PI4K2B: variants seen among roughly 807,000 people sequenced by gnomAD.
The protein encoded by PI4K2B is phosphatidylinositol 4-kinase type 2-beta.
PI4K2B carries 46 observed loss-of-function variants against 56.6 expected under a neutral mutation model. The observed-to-expected ratio is 0.81, with a 90% CI of 0.64 to 1.04. The LOEUF is 1.04. PI4K2B is among the 50% of genes least tolerant of loss of function. PI4K2B has a pLI of 0.00. For synonymous variants in PI4K2B, 211 were observed against 223.8 expected (o/e 0.94, Z 0.51); for missense variants, 556 against 607.7 (o/e 0.91, Z 0.89).
At chr4:25,257,250 T>C (rs1288431739) in intron 4 of PI4K2B, among the ~76,000 whole-genome samples, 1 of 151,918 alleles carries the variant, frequency 6.6e-6, no homozygotes, top group Non-Finnish European at 1.5e-5. Context: ...TTTGTAGAGA[T>C]AGAGTCTCAC....
chr4:25,260,193 T>C (rs1716406773), intron 5 of PI4K2B, among the ~76,000 whole-genome samples: 1 of 152,176 alleles, frequency 6.6e-6, no homozygotes, highest in South Asian at 2.1e-4. Flanking sequence ...TAATGCTTTT[T>C]CTTCCTAAAG....
chr4:25,245,959 T>G (rs756038730), intron 1 of PI4K2B, among the ~76,000 whole-genome samples: 5 of 152,160 alleles, frequency 3.3e-5, no homozygotes, highest in Non-Finnish European at 7.3e-5. Flanking sequence ...ACTTCAAGAA[T>G]GAAGCCACGG....
At chr4:25,247,843 A>G (rs1161643809) in intron 1 of PI4K2B, among the ~76,000 whole-genome samples, 3 of 152,158 alleles carry the variant, frequency 2.0e-5, no homozygotes, top group Non-Finnish European at 4.4e-5. Flanking sequence ...AGCTGGGACT[A>G]CAGGTACATG....
At position 25,263,869 on chromosome 4, in the gene PI4K2B, T is replaced by C. The variant is rs774210903; in HGVS notation, c.1078+20T>C. On this transcript the variant is annotated intron_variant, in intron 7 of 9. Transcript: ENST00000264864. ...GAGCATGTGAGTATTTAGAACCTTC[T>C]GTAGAGTCTATAATTACCTTTTTTC... 5.7e-6 allele frequency: 6 copies of C among 1,059,252 alleles called. No homozygotes were observed. Among genetic ancestry groups the C allele is most frequent in the South Asian group, 1.3e-5 (1 of 74,574 alleles). 65.6% of individuals were successfully genotyped at this position (1,059,252 alleles called of 1,614,324 possible).
Position 25,246,163 on chromosome 4 carries a change from C to G in PI4K2B, c.269-6158C>G, listed in dbSNP as rs576252195. Among the ~76,000 whole-genome samples, 4 of 152,104 alleles carry G rather than the reference C, an allele frequency of 2.6e-5. No individual in the cohort carries two copies. The East Asian group carries it at 7.7e-4, about 29-fold the overall frequency. Reference sequence around the variant, plus strand: ...TGTGGACCCAAAGAGTGAGCAGCAGCAAGATTTATTGCAAAGAGCGAAAGA... The same window carrying G: ...TGTGGACCCAAAGAGTGAGCAGCAGGAAGATTTATTGCAAAGAGCGAAAGA... On this transcript the variant is annotated intron_variant, in intron 1 of 9. Transcript: ENST00000264864.
intron 1 of PI4K2B, 140 bp downstream of exon 1, chr4:25,234,571 C>T: frequency 1.8e-6 from 1 of 546,986 alleles, no homozygotes; most frequent in Non-Finnish European, 2.7e-6. Flanking sequence ...CGAGCTCGGA[C>T]CGGCGCCAGC....
intron 1 of PI4K2B, among the ~76,000 whole-genome samples, chr4:25,250,004 G>A (rs1182088741): frequency 3.3e-5 from 5 of 152,188 alleles, no homozygotes; most frequent in Admixed American, 3.3e-4. Flanking sequence ...GATCACTCAC[G>A]GTCAGGAACT....
In PI4K2B at chr4:25,277,390, C is replaced by G; in HGVS notation, c.*203C>G. ...ATTTCAGGGAAGAAGTGCTATATCT[C>G]CTATATTGTATTTTTGTAGAAAATT... On this transcript the variant is annotated 3_prime_UTR_variant, in exon 10 of 10. Transcript: ENST00000264864. 2.3e-6 allele frequency: 1 copy of G among 437,742 alleles called. No homozygotes were observed. Among genetic ancestry groups the G allele is most frequent in the Non-Finnish European group, 3.8e-6 (1 of 260,140 alleles). 27.1% of individuals were successfully genotyped at this position (437,742 alleles called of 1,614,324 possible). A position where few individuals can be genotyped will look rare whatever the true frequency, so the allele number is the denominator to read the frequency against.
chr4:25,250,909 G>T (rs1716024686), intron 1 of PI4K2B, among the ~76,000 whole-genome samples: 3 of 152,292 alleles, frequency 2.0e-5, no homozygotes, highest in East Asian at 3.9e-4. Flanking sequence ...GGGTAAGCGT[G>T]TGAGATCATG....
chr4:25,270,335 TTTTTTTTC>T (rs544428033), intron 9 of PI4K2B, among the ~76,000 whole-genome samples: 149 of 151,796 alleles, frequency 9.8e-4, no homozygotes, highest in African/African-American at 3.5e-3. Context: ...GTTTTTTTGG[TTTTTTTTC>T]TTTTTTTCTT....
chr4:25,262,730 C>T (rs28640012), intron 6 of PI4K2B, among the ~76,000 whole-genome samples: 4,896 of 151,932 alleles, frequency 0.032, 111 homozygotes, highest in African/African-American at 0.069. Flanking sequence ...TGTGAACCAC[C>T]GTGGTAAAAT....
intron 1 of PI4K2B, among the ~76,000 whole-genome samples, chr4:25,239,436 A>G (rs1034105212): frequency 1.7e-5 from 1 of 59,482 alleles, no homozygotes; most frequent in African/African-American, 3.2e-5. Context: ...GTGCCGGCCC[A>G]GGGGGACCCA....
In PI4K2B at chr4:25,260,610, T is replaced by TTATATATA. The variant is rs533544057; in HGVS notation, c.978+44_978+51dup. 110 of 306,854 alleles carry TTATATATA rather than the reference T, an allele frequency of 3.6e-4. No individual in the cohort carries two copies. The highest frequency in any genetic ancestry group is 1.3e-3 in the African/African-American group (54 of 40,250). 19.0% of individuals were successfully genotyped at this position (306,854 alleles called of 1,614,324 possible). On this transcript the variant is annotated intron_variant, in intron 6 of 9. Transcript: ENST00000264864. ...CCATAAGGTAAGGAAATTTACAATTTTATATATATATATATATATATATAT... is the reference window on the plus strand; with the variant it reads ...CCATAAGGTAAGGAAATTTACAATTTTATATATATATATATATATATATATATATATAT...
chr4:25,252,169 T>C (rs746180164), intron 1 of PI4K2B, 152 bp from the exon 2 acceptor site: 8 of 271,970 alleles, frequency 2.9e-5, no homozygotes, highest in South Asian at 7.9e-5. Flanking sequence ...GAAGTGGGGG[T>C]TGTTAGGCAG....
In PI4K2B at chr4:25,256,594, A is replaced by G. The variant is rs548863079; in HGVS notation, c.676A>G (p.Lys226Glu). ...TAACTATAATGCGATTGACCGTGCA[A>G]AATCAAGAGGCAAAAAGTATGCTTT... Reference protein sequence around the residue: ...TFNYNAIDRAKSRGKKYALEK... With the variant: ...TFNYNAIDRAESRGKKYALEK... The change falls in exon 4 of 10, where the codon AAA becomes GAA. Residue 226 changes from lysine (K) to glutamate (E), a missense_variant. Physicochemically the swap from Lys to Glu is moderately conservative, Grantham distance 56 (BLOSUM62 1). Transcript: ENST00000264864. 4.3e-6 allele frequency: 7 copies of G among 1,613,956 alleles called. No homozygotes were observed. In the African/African-American group the frequency reaches 5.3e-5, roughly 12 times the overall value.
rs1025331501 is a variant in PI4K2B at position 25,234,346 on chromosome 4, C to G, written c.183C>G (p.Asp61Glu). ...CCGGGGAGGAGGGCGAGGCCGGCGACGAGGAGCTGCCCCTCCCGCCCGGGG... is the reference window on the plus strand; with the variant it reads ...CCGGGGAGGAGGGCGAGGCCGGCGAGGAGGAGCTGCCCCTCCCGCCCGGGG... ...DAAGEEGEAG[D>E]EELPLPPGDV... The change falls in exon 1 of 10, where the codon GAC (aspartate) becomes GAG (glutamate). Residue 61 changes from aspartate to glutamate, a missense_variant. Coordinates refer to ENST00000264864, the MANE Select transcript of PI4K2B (RefSeq NM_018323.4). 1.4e-6 allele frequency: 2 copies of G among 1,409,188 alleles called. No individual in the cohort carries two copies. The highest frequency in any genetic ancestry group is 2.7e-5 in the Admixed American group (1 of 37,332). The allele number at this position is 1,409,188 out of a possible 1,614,324, so 87.3% of individuals were successfully genotyped here. A position where few individuals can be genotyped will look rare whatever the true frequency, so the allele number is the denominator to read the frequency against.
chr4:25,270,437 C>T (rs1426767419), intron 9 of PI4K2B, among the ~76,000 whole-genome samples: 1 of 152,004 alleles, frequency 6.6e-6, no homozygotes, highest in Non-Finnish European at 1.5e-5. Flanking sequence ...CCTCTGTCTC[C>T]CAGGTTCAAG....
In PI4K2B at chr4:25,278,689, A is replaced by G. The variant is rs372391257; in HGVS notation, c.*1502A>G. ...CTGGAAATTCAAAACTCAAACTACT[A>G]TCTTTAGATATAAACACTAGTAATT... is the stretch of plus-strand genomic sequence containing the variant. On this transcript the variant is annotated 3_prime_UTR_variant, in exon 10 of 10. Transcript: ENST00000264864. 3.3e-5 allele frequency: 5 copies of G among 152,650 alleles called. No individual in the cohort carries two copies. Among genetic ancestry groups the G allele is most frequent in the East Asian group, 1.9e-4 (1 of 5,204 alleles). 9.5% of individuals were successfully genotyped at this position (152,650 alleles called of 1,614,324 possible).
chr4:25,259,002 A>G, intron 4 of PI4K2B, 35 bp from the exon 5 acceptor site: 1 of 1,129,190 alleles, frequency 8.9e-7, no homozygotes, highest in East Asian at 2.4e-5. Context: ...TTGTTCTTGT[A>G]CTTTCTTTTC....
Sources: allele counts gnomAD v4.1 joint callset (sites outside exome capture counted in the v4.1 genomes callset), GRCh38; gene constraint gnomAD v4.1.1; transcripts MANE v1.5; gene names NCBI Gene and HGNC (gene_info 2026-07-23, HGNC 2026-07-21).